CTCF: variants seen among roughly 807,000 people sequenced by gnomAD.
CTCF encodes transcriptional repressor CTCF.
Under a neutral mutation model 72.3 loss-of-function variants are expected in CTCF, and 7 were observed. That is an observed-to-expected ratio of 0.10 (90% confidence interval 0.06 to 0.18). CTCF has a LOEUF of 0.18. Among genes scored for constraint, CTCF ranks in the 10% least tolerant of loss-of-function variants. CTCF has a pLI of 1.00. For missense variants in CTCF, 516 were observed against 949.1 expected (o/e 0.54, Z 6.00); for synonymous variants, 374 against 315.8 (o/e 1.18, Z -1.95).
At chr16:67,631,154 GTT>G (rs766362012) in intron 10 of CTCF, among the ~76,000 whole-genome samples, 64 of 125,026 alleles carry the variant, frequency 5.1e-4, no homozygotes, top group African/African-American at 2.1e-3. Flanking sequence ...TTCTTTGTTT[GTT>G]TTTTTTTTGT....
chr16:67,591,748 C>G (rs1364632733), intron 2 of CTCF, among the ~76,000 whole-genome samples: 2 of 152,034 alleles, frequency 1.3e-5, no homozygotes, highest in Admixed American at 1.3e-4. Context: ...GGCACAGAGT[C>G]TTGCGCTGTC....
intron 2 of CTCF, among the ~76,000 whole-genome samples, chr16:67,603,815 ACT>A (rs1597706318): frequency 7.2e-6 from 1 of 138,290 alleles, no homozygotes; most frequent in Non-Finnish European, 1.5e-5. Flanking sequence ...ACAGTGCAAG[ACT>A]CTGTCTCAAA....
chr16:67,621,397 A>G (rs769902883), intron 6 of CTCF, 45 bp from the exon 7 acceptor site: 6 of 1,404,688 alleles, frequency 4.3e-6, no homozygotes, highest in African/African-American at 1.4e-5. Flanking sequence ...AAATTACAGT[A>G]TTTATTCATT....
intron 2 of CTCF, among the ~76,000 whole-genome samples, chr16:67,584,337 C>CTTCTTTTTTTTTTTTT (rs1462998203): frequency 4.3e-4 from 46 of 105,840 alleles, no homozygotes; most frequent in African/African-American, 7.7e-4. Flanking sequence ...AAAAAGTCTT[C>CTTCTTTTTTTTTTTTT]TTTTTTTTTT....
intron 4 of CTCF, chr16:67,614,329 A>C (rs1303851388): frequency 1.3e-5 from 2 of 149,496 alleles, no homozygotes; most frequent in Non-Finnish European, 1.5e-5. Context: ...CCTGGGCGAC[A>C]GAGTGAGACT....
At chr16:67,567,272 C>T (rs904670450) in intron 1 of CTCF, among the ~76,000 whole-genome samples, 2 of 152,156 alleles carry the variant, frequency 1.3e-5, no homozygotes, top group South Asian at 2.1e-4. Context: ...TGCCAAAATA[C>T]AGTCCAAAGG....
At chr16:67,576,171 T>C (rs1221115753) in intron 2 of CTCF, among the ~76,000 whole-genome samples, 2 of 146,526 alleles carry the variant, frequency 1.4e-5, no homozygotes, top group African/African-American at 5.0e-5. Context: ...AACGGAAGGC[T>C]GTTAACCAGC....
At chr16:67,592,023 T>C (rs771185083) in intron 2 of CTCF, among the ~76,000 whole-genome samples, 14 of 152,122 alleles carry the variant, frequency 9.2e-5, no homozygotes, top group Non-Finnish European at 1.8e-4. Context: ...TGATGACTTA[T>C]AATTGCTTTT....
chr16:67,635,051 C>G (rs1338660530), intron 10 of CTCF, among the ~76,000 whole-genome samples: 2 of 150,606 alleles, frequency 1.3e-5, no homozygotes, highest in African/African-American at 2.4e-5. Context: ...GAGACGGAGT[C>G]TTGCTCTGTT....
rs149766428 is a variant in CTCF, at chr16:67,636,739, C to T, written c.1887C>T (p.Ala629=). 1,016 of 1,609,330 alleles carry T rather than the reference C, an allele frequency of 6.3e-4. No homozygotes were observed. The highest frequency in any genetic ancestry group is 7.6e-4 in the Non-Finnish European group (890 of 1,177,886). ...LDDNEDEEEP[A]VEIEPEPEPQ... Reference sequence around the variant, plus strand: ...ACAATGAGGATGAGGAGGAGCCTGCCGTAGAAATTGAACCTGAGCCAGAGC... The same window carrying T: ...ACAATGAGGATGAGGAGGAGCCTGCTGTAGAAATTGAACCTGAGCCAGAGC... Residue 629 remains alanine, a synonymous_variant, in exon 11 of 12, where the codon GCC becomes GCT. Transcript: ENST00000264010.
In CTCF at chr16:67,629,540, G is replaced by T; in HGVS notation, c.1837+7G>T. On this transcript the variant is annotated splice_region_variant and intron_variant, in intron 10 of 11. Coordinates refer to ENST00000264010, the MANE Select transcript of CTCF (RefSeq NM_006565.4). ...GAAGATTCCTCTGACAGTGGTAAGTGACTTGTTCCTTGATTTGCTTACTAT... is the reference window on the plus strand; with the variant it reads ...GAAGATTCCTCTGACAGTGGTAAGTTACTTGTTCCTTGATTTGCTTACTAT... 6.2e-7 allele frequency: 1 copy of T among 1,612,240 alleles called. No homozygotes were observed. The highest frequency in any genetic ancestry group is 1.1e-5 in the South Asian group (1 of 90,804).
chr16:67,620,246 G>C (rs996085637), intron 5 of CTCF, among the ~76,000 whole-genome samples: 4 of 152,108 alleles, frequency 2.6e-5, no homozygotes, highest in African/African-American at 9.7e-5. Flanking sequence ...CCTTGTCCAG[G>C]TTGGAGTGCA....
At chr16:67,604,141 A>AAAAAG (rs1329860729) in intron 2 of CTCF, among the ~76,000 whole-genome samples, 1 of 151,134 alleles carries the variant, frequency 6.6e-6, no homozygotes, top group South Asian at 2.1e-4. Flanking sequence ...AAAAAAAAAA[A>AAAAAG]AAAAGAAAAG....
intron 5 of CTCF, among the ~76,000 whole-genome samples, chr16:67,620,458 C>T (rs1297073309): frequency 6.6e-6 from 1 of 152,140 alleles, no homozygotes; most frequent in Non-Finnish European, 1.5e-5. Flanking sequence ...CCTCAGCCTC[C>T]CAAGTAATGA....
At chr16:67,626,130 G>C (rs2052283633) in intron 7 of CTCF, among the ~76,000 whole-genome samples, 1 of 151,898 alleles carries the variant, frequency 6.6e-6, no homozygotes, top group African/African-American at 2.4e-5. Flanking sequence ...ATAGCACCCA[G>C]AGTAATACTT....
chr16:67,601,219 T>A (rs1256321924), intron 2 of CTCF, among the ~76,000 whole-genome samples: 1 of 12,728 alleles, frequency 7.9e-5, no homozygotes, highest in East Asian at 0.019. Context: ...CACTAAGGGG[T>A]GTGTGTGTGT....
At chr16:67,578,980 C>G (rs890064537) in intron 2 of CTCF, among the ~76,000 whole-genome samples, 1 of 149,194 alleles carries the variant, frequency 6.7e-6, no homozygotes, top group Non-Finnish European at 1.5e-5. Context: ...AAAGGCCGGG[C>G]GTGGTGGCTC....
At chr16:67,607,416 G>A (rs1320274806) in intron 2 of CTCF, among the ~76,000 whole-genome samples, 5 of 150,874 alleles carry the variant, frequency 3.3e-5, no homozygotes, top group East Asian at 2.0e-4. Context: ...AGTTCTTTTC[G>A]TGCCTCAGCC....
chr16:67,622,811 ATTTTT>A (rs951749794), intron 7 of CTCF, among the ~76,000 whole-genome samples: 1 of 123,930 alleles, frequency 8.1e-6, no homozygotes, highest in East Asian at 2.3e-4. Flanking sequence ...GCCCGGCTAA[ATTTTT>A]TTTTTTTTTT....
Sources: allele counts gnomAD v4.1 joint callset (sites outside exome capture counted in the v4.1 genomes callset), GRCh38; gene constraint gnomAD v4.1.1; transcripts MANE v1.5; gene names NCBI Gene and HGNC (gene_info 2026-07-23, HGNC 2026-07-21).